UBE2E3: variants seen among roughly 807,000 people sequenced by gnomAD.
UBE2E3 encodes ubiquitin-conjugating enzyme E2 E3.
UBE2E3 carries 5 observed loss-of-function variants against 23.6 expected under a neutral mutation model. The ratio of observed to expected loss-of-function variants is 0.21; its 90% CI spans 0.11 to 0.44. UBE2E3 has a LOEUF of 0.44. UBE2E3 is among the 20% of genes least tolerant of loss of function. UBE2E3 has a pLI of 0.99. For missense variants in UBE2E3, 81 were observed against 249.8 expected (o/e 0.32, Z 4.55); for synonymous variants, 78 against 87.5 (o/e 0.89, Z 0.60).
chr2:181,044,499 G>A (rs1466907890), intron 3 of UBE2E3, among the ~76,000 whole-genome samples: 1 of 152,118 alleles, frequency 6.6e-6, no homozygotes, highest in African/African-American at 2.4e-5. Flanking sequence ...TACTAGAGGT[G>A]ACAGATAGAA....
chr2:181,031,191 G>A (rs1438555691), intron 3 of UBE2E3, among the ~76,000 whole-genome samples: 1 of 151,990 alleles, frequency 6.6e-6, no homozygotes, highest in African/African-American at 2.4e-5. Flanking sequence ...TTATACATAT[G>A]TCCAGTGTGC....
intron 3 of UBE2E3, among the ~76,000 whole-genome samples, chr2:181,032,932 G>C (rs549758791): frequency 2.7e-4 from 41 of 152,256 alleles, no homozygotes; most frequent in African/African-American, 9.1e-4. Flanking sequence ...ATTCACAATT[G>C]CTTCAAAGAG....
chr2:181,058,241 A>T (rs1005781054), intron 4 of UBE2E3, among the ~76,000 whole-genome samples: 20 of 151,770 alleles, frequency 1.3e-4, no homozygotes, highest in African/African-American at 4.6e-4. Context: ...TTTGTGCTGA[A>T]TACCTTTATA....
intron 3 of UBE2E3, 101 bp downstream of exon 3, chr2:180,984,194 C>T (rs960298296): frequency 8.1e-5 from 82 of 1,013,248 alleles, no homozygotes; most frequent in Non-Finnish European, 1.0e-4. Flanking sequence ...ACAACATTTG[C>T]TTCTTTACAG....
intron 3 of UBE2E3, among the ~76,000 whole-genome samples, chr2:181,018,202 AG>A (rs1685555958): frequency 6.6e-6 from 1 of 152,090 alleles, no homozygotes; most frequent in Non-Finnish European, 1.5e-5. Context: ...GTTATACTCT[AG>A]TAGCAATTTA....
intron 3 of UBE2E3, among the ~76,000 whole-genome samples, chr2:181,011,994 A>G (rs16867374): frequency 0.018 from 2,739 of 152,270 alleles, 67 homozygotes; most frequent in African/African-American, 0.063. Flanking sequence ...GTGTCTCAGA[A>G]TTAAACCATC....
intron 3 of UBE2E3, among the ~76,000 whole-genome samples, chr2:181,012,080 A>G (rs1685346086): frequency 6.6e-6 from 1 of 152,126 alleles, no homozygotes; most frequent in African/African-American, 2.4e-5. Flanking sequence ...GAAGGAAACA[A>G]GTTAATTGAT....
chr2:181,040,673 T>TCA (rs1304277400), intron 3 of UBE2E3, among the ~76,000 whole-genome samples: 3 of 152,200 alleles, frequency 2.0e-5, no homozygotes, highest in Non-Finnish European at 4.4e-5. Context: ...TTCAGATGGA[T>TCA]CATAGGTAAA....
intron 3 of UBE2E3, among the ~76,000 whole-genome samples, chr2:181,048,529 A>G (rs1341979689): frequency 6.6e-6 from 1 of 152,166 alleles, no homozygotes; most frequent in Admixed American, 6.6e-5. Flanking sequence ...CACATTTACC[A>G]AAACGAGGTC....
Position 181,023,996 on chromosome 2 carries a change from A to G in UBE2E3, c.246-33697A>G, listed in dbSNP as rs1685793140. ...AAAGCAATGGGAATACCTGTGTTTT[A>G]TATTTCTTTTGCATTTGTAACCTCT... On this transcript the variant is annotated intron_variant, in intron 3 of 5. Transcript: ENST00000410062. 2.6e-5 allele frequency among the ~76,000 whole-genome samples: 4 copies of G among 152,064 alleles called. No individual in the cohort carries two copies. In the South Asian group the frequency reaches 8.3e-4, roughly 32 times the overall value.
At chr2:181,008,243 A>T (rs919390223) in intron 3 of UBE2E3, among the ~76,000 whole-genome samples, 1 of 152,224 alleles carries the variant, frequency 6.6e-6, no homozygotes, top group African/African-American at 2.4e-5. Context: ...CTGTGCAAAT[A>T]ATTCTGCTAA....
chr2:181,005,345 A>G (rs1283925261), intron 3 of UBE2E3, among the ~76,000 whole-genome samples: 1 of 152,206 alleles, frequency 6.6e-6, no homozygotes, highest in Non-Finnish European at 1.5e-5. Context: ...TCAGAAGTCT[A>G]ATGCATTTCA....
chr2:180,986,714 GA>G (rs2105567942), intron 3 of UBE2E3, among the ~76,000 whole-genome samples: 1 of 152,160 alleles, frequency 6.6e-6, no homozygotes, highest in East Asian at 1.9e-4. Context: ...TATTTAATCA[GA>G]ATTCCATTAC....
intron 3 of UBE2E3, among the ~76,000 whole-genome samples, chr2:181,023,122 C>G (rs560065794): frequency 3.9e-5 from 6 of 152,176 alleles, no homozygotes; most frequent in Admixed American, 6.5e-5. Flanking sequence ...CCTTGACTTA[C>G]AGTGGGGCCG....
At chr2:181,061,699 T>C (rs1362327472) in intron 5 of UBE2E3, among the ~76,000 whole-genome samples, 1 of 151,516 alleles carries the variant, frequency 6.6e-6, no homozygotes, top group Non-Finnish European at 1.5e-5. Context: ...CATGTGAACT[T>C]CAGAAACTTG....
At chr2:180,990,726 C>T (rs1331556614) in intron 3 of UBE2E3, among the ~76,000 whole-genome samples, 2 of 152,094 alleles carry the variant, frequency 1.3e-5, no homozygotes, top group African/African-American at 2.4e-5. Context: ...TTATGTTCTA[C>T]TAGGAGTACT....
chr2:181,054,895 A>C (rs1023580492), intron 3 of UBE2E3, among the ~76,000 whole-genome samples: 1 of 151,790 alleles, frequency 6.6e-6, no homozygotes, highest in African/African-American at 2.4e-5. Context: ...AGGAATAGAG[A>C]GTGAGAACGA....
At chr2:181,039,398 G>C (rs951311220) in intron 3 of UBE2E3, among the ~76,000 whole-genome samples, 1 of 152,032 alleles carries the variant, frequency 6.6e-6, no homozygotes, top group African/African-American at 2.4e-5. Flanking sequence ...GGGTGCAGAC[G>C]AGCATTCTGG....
intron 3 of UBE2E3, among the ~76,000 whole-genome samples, chr2:181,026,009 G>A (rs1323719077): frequency 6.6e-6 from 1 of 151,848 alleles, no homozygotes; most frequent in Non-Finnish European, 1.5e-5. Flanking sequence ...TAAATGTTGA[G>A]TAATACCAAG....
Sources: gnomAD v4.1 joint callset for allele counts (sites outside exome capture counted in the v4.1 genomes callset) on GRCh38, gnomAD v4.1.1 for gene constraint, MANE v1.5 for transcripts, NCBI Gene and HGNC (gene_info 2026-07-23, HGNC 2026-07-21) for gene names.